LRRC37A: variants seen among roughly 807,000 people sequenced by gnomAD.
LRRC37A encodes the protein leucine rich repeat containing 37A, also known as leucine-rich repeat-containing protein 37A.
Under a neutral mutation model 35.4 loss-of-function variants are expected in LRRC37A, and 3 were observed. The observed-to-expected ratio is 0.08, with a 90% confidence interval of 0.04 to 0.22. The LOEUF is 0.22. LRRC37A is among the 10% of genes least tolerant of loss of function. LRRC37A has a pLI of 1.00. For synonymous variants in LRRC37A, 23 were observed against 215.0 expected (o/e 0.11, Z 7.81); for missense variants, 67 against 565.3 (o/e 0.12, Z 8.94).
the LRRC37A span, among the ~76,000 whole-genome samples, chr17:46,253,410 G>T: frequency 6.6e-6 from 1 of 152,100 alleles, no homozygotes; most frequent in Admixed American, 6.6e-5. Context: ...CTGGGAGGTG[G>T]AGGTTGTAGC....
the LRRC37A span, among the ~76,000 whole-genome samples, chr17:46,274,236 T>C: frequency 3.9e-5 from 6 of 152,246 alleles, no homozygotes; most frequent in Non-Finnish European, 8.8e-5. Flanking sequence ...CATACATCCA[T>C]AGTTGAATTT....
chr17:46,288,286 T>C (rs2907470), upstream of LRRC37A, among the ~76,000 whole-genome samples: 2,984 of 123,126 alleles, frequency 0.024, no homozygotes, highest in Middle Eastern at 0.042. Context: ...GGACTACAGA[T>C]GTGCACCACC....
At chr17:46,253,818 C>A in the LRRC37A span, among the ~76,000 whole-genome samples, 1 of 152,152 alleles carries the variant, frequency 6.6e-6, no homozygotes, top group South Asian at 2.1e-4. Context: ...TTCTTATAAA[C>A]CCAATTTCCT....
chr17:46,317,175 C>CAGACGGGG, intron 5 of LRRC37A, among the ~76,000 whole-genome samples: 1 of 86,604 alleles, frequency 1.2e-5, no homozygotes, highest in Middle Eastern at 5.4e-3. Flanking sequence ...TCCTCACATC[C>CAGACGGGG]CAGACGGGCA....
chr17:46,275,977 G>A, the LRRC37A span, among the ~76,000 whole-genome samples: 18,484 of 151,494 alleles, frequency 0.12, 1 homozygote, highest in Non-Finnish European at 0.18. Context: ...TGCAACCTCT[G>A]CCTCCCAGAT....
the LRRC37A span, among the ~76,000 whole-genome samples, chr17:46,277,622 A>ATTTCTTCTCT: frequency 7.4e-6 from 1 of 134,976 alleles, no homozygotes; most frequent in Non-Finnish European, 1.8e-5. Flanking sequence ...CTCTGGGTAG[A>ATTTCTTCTCT]TTTCTTTTCT....
the LRRC37A span, among the ~76,000 whole-genome samples, chr17:46,248,081 T>A: frequency 1.3e-5 from 2 of 151,934 alleles, no homozygotes; most frequent in Non-Finnish European, 2.9e-5. Context: ...GCTTTCTTCT[T>A]CAGAGACGTG....
At chr17:46,274,205 A>G in the LRRC37A span, among the ~76,000 whole-genome samples, 19 of 152,236 alleles carry the variant, frequency 1.2e-4, no homozygotes, top group African/African-American at 1.9e-4. Context: ...GAGAAAAACT[A>G]TCTCCATTTA....
At chr17:46,287,937 C>T (rs571758215), upstream of LRRC37A, among the ~76,000 whole-genome samples, 2 of 152,312 alleles carry the variant, frequency 1.3e-5, no homozygotes, top group African/African-American at 4.8e-5. Context: ...TTGATAGGCA[C>T]AGTGTAGGAA....
the LRRC37A span, among the ~76,000 whole-genome samples, chr17:46,248,550 C>G: frequency 6.6e-6 from 1 of 152,052 alleles, no homozygotes; most frequent in Non-Finnish European, 1.5e-5. Context: ...GAGATGGAGT[C>G]TCACTGTTGC....
the LRRC37A span, chr17:46,267,319 G>A: frequency 7.7e-6 from 11 of 1,426,378 alleles, no homozygotes; most frequent in Non-Finnish European, 1.0e-5. Context: ...TTTTTTGGAA[G>A]CAGCGATGAA....
At chr17:46,290,179 G>C (rs974259035), upstream of LRRC37A, among the ~76,000 whole-genome samples, 21 of 152,242 alleles carry the variant, frequency 1.4e-4, no homozygotes, top group African/African-American at 5.1e-4. Context: ...GCCCCGGCTA[G>C]AGTACAGTGG....
the LRRC37A span, among the ~76,000 whole-genome samples, chr17:46,261,747 A>AG: frequency 1.7e-5 from 2 of 120,772 alleles, no homozygotes; most frequent in Admixed American, 7.9e-5. Flanking sequence ...AAAAAAAAAA[A>AG]AAGAAGAAGA....
At chr17:46,258,873 C>T in the LRRC37A span, among the ~76,000 whole-genome samples, 1 of 151,388 alleles carries the variant, frequency 6.6e-6, no homozygotes, top group African/African-American at 2.4e-5. Flanking sequence ...TGCCACCACG[C>T]CCGGCTAATT....
chr17:46,250,894 T>TCTTCCTCTTCCTCTC, the LRRC37A span, among the ~76,000 whole-genome samples: 1 of 152,030 alleles, frequency 6.6e-6, no homozygotes, highest in Non-Finnish European at 1.5e-5. Context: ...CTTCTCTTCC[T>TCTTCCTCTTCCTCTC]CTTCCTCTTC....
intron 5 of LRRC37A, among the ~76,000 whole-genome samples, chr17:46,314,491 C>A (rs1188018402): frequency 1.2e-5 from 1 of 81,104 alleles, no homozygotes; most frequent in African/African-American, 3.2e-5. Flanking sequence ...CAGAGTGAGA[C>A]TCCAATGGAG....
the LRRC37A span, chr17:46,268,810 A>G: frequency 1.3e-6 from 1 of 742,150 alleles, no homozygotes. Context: ...TCTATGAATG[A>G]CCTGCATAGT....
the LRRC37A span, among the ~76,000 whole-genome samples, chr17:46,286,955 C>G: frequency 1.3e-5 from 2 of 152,232 alleles, no homozygotes; most frequent in African/African-American, 4.8e-5. Flanking sequence ...AGATCACAGC[C>G]AATATAGAAC....
chr17:46,278,400 T>A, the LRRC37A span, among the ~76,000 whole-genome samples: 4,331 of 141,226 alleles, frequency 0.031, 88 homozygotes, highest in Non-Finnish European at 0.051. Context: ...TGTTTTATTT[T>A]GTTTTTTTTT....
Sources: gnomAD v4.1 joint callset for allele counts (sites outside exome capture counted in the v4.1 genomes callset) on GRCh38, gnomAD v4.1.1 for gene constraint, MANE v1.5 for transcripts, NCBI Gene and HGNC (gene_info 2026-07-23, HGNC 2026-07-21) for gene names.